The following OLA1 variants were observed in gnomAD, a reference collection of about 807,000 sequenced individuals.
OLA1 encodes the protein Obg like ATPase 1, also known as obg-like ATPase 1.
Under a neutral mutation model 48.4 loss-of-function variants are expected in OLA1, and 14 were observed. The observed-to-expected ratio is 0.29, with a 90% CI of 0.19 to 0.45. The LOEUF (loss-of-function observed/expected upper bound fraction) is 0.45, where lower values mean the gene tolerates loss of function less well. OLA1 is among the 20% of genes least tolerant of loss of function. The pLI, the probability that OLA1 is intolerant of heterozygous loss-of-function variation, is 1.00. For missense variants in OLA1, 325 were observed against 467.1 expected (o/e 0.70, Z 2.80); for synonymous variants, 127 against 150.4 (o/e 0.84, Z 1.14).
intron 4 of OLA1, among the ~76,000 whole-genome samples, chr2:174,187,437 A>G (rs992679653): frequency 3.9e-5 from 6 of 152,200 alleles, no homozygotes; most frequent in African/African-American, 1.4e-4. Flanking sequence ...CATCCTTGCT[A>G]TTTTCAAGGA....
chr2:174,183,671 T>G (rs1687595291), intron 4 of OLA1, among the ~76,000 whole-genome samples: 1 of 152,224 alleles, frequency 6.6e-6, no homozygotes, highest in Non-Finnish European at 1.5e-5. Flanking sequence ...AGGCTACCAC[T>G]GCATGTTGAA....
At chr2:174,168,455 T>C (rs1026459438) in intron 4 of OLA1, among the ~76,000 whole-genome samples, 7 of 152,134 alleles carry the variant, frequency 4.6e-5, no homozygotes, top group African/African-American at 1.7e-4. Flanking sequence ...CGCCATAATG[T>C]AACATTCATA....
chr2:174,184,200 C>T (rs1434743074), intron 4 of OLA1, among the ~76,000 whole-genome samples: 3 of 152,086 alleles, frequency 2.0e-5, no homozygotes, highest in African/African-American at 7.2e-5. Context: ...CCAAGTTTAT[C>T]CTGCTTCCAA....
chr2:174,075,628 G>T, intron 10 of OLA1, 101 bp from the exon 11 acceptor site: 1 of 683,400 alleles, frequency 1.5e-6, no homozygotes, highest in Non-Finnish European at 2.5e-6. Context: ...CTACTTGGGT[G>T]ATATAAAAAA....
At chr2:174,188,454 G>C (rs1687704372) in intron 4 of OLA1, among the ~76,000 whole-genome samples, 1 of 152,074 alleles carries the variant, frequency 6.6e-6, no homozygotes, top group Non-Finnish European at 1.5e-5. Context: ...GAGACTGAAA[G>C]CCTGCTGCTG....
chr2:174,100,196 G>A (rs550048927), intron 7 of OLA1, among the ~76,000 whole-genome samples: 3 of 152,250 alleles, frequency 2.0e-5, no homozygotes, highest in African/African-American at 7.2e-5. Context: ...AACATTCATG[G>A]TAAATTGAGA....
At chr2:174,113,567 C>A (rs1685706120) in intron 7 of OLA1, among the ~76,000 whole-genome samples, 1 of 152,036 alleles carries the variant, frequency 6.6e-6, no homozygotes, top group African/African-American at 2.4e-5. Flanking sequence ...AAAACAGCAG[C>A]AGCAAATGCT....
chr2:174,178,555 T>G (rs1458772811), intron 4 of OLA1, among the ~76,000 whole-genome samples: 4 of 152,016 alleles, frequency 2.6e-5, no homozygotes, highest in Admixed American at 2.0e-4. Context: ...AAACATACAC[T>G]TGATATGATC....
chr2:174,191,560 T>A (rs1446131220), intron 4 of OLA1, among the ~76,000 whole-genome samples: 1 of 152,024 alleles, frequency 6.6e-6, no homozygotes. Flanking sequence ...GCTGAAGTGA[T>A]CTTCCCGCCT....
intron 7 of OLA1, among the ~76,000 whole-genome samples, chr2:174,121,395 G>A (rs1049398025): frequency 2.6e-5 from 4 of 152,132 alleles, no homozygotes; most frequent in East Asian, 1.9e-4. Flanking sequence ...AACAGCAGGC[G>A]GCAGAAACTG....
chr2:174,135,160 CAAAAAAAA>C (rs71405180), intron 5 of OLA1, among the ~76,000 whole-genome samples: 3 of 86,018 alleles, frequency 3.5e-5, no homozygotes, highest in African/African-American at 5.0e-5. Context: ...ACTCCGCCTC[CAAAAAAAA>C]AAAAAAAAAA....
At chr2:174,161,247 T>C (rs913224676) in intron 4 of OLA1, among the ~76,000 whole-genome samples, 1 of 152,146 alleles carries the variant, frequency 6.6e-6, no homozygotes, top group Non-Finnish European at 1.5e-5. Context: ...TGAGACAACA[T>C]AAGTTATAGT....
chr2:174,229,475 A>T (rs1292905117), intron 2 of OLA1, 24 bp from the exon 3 acceptor site: 1 of 1,590,598 alleles, frequency 6.3e-7, no homozygotes. Flanking sequence ...AAGCAATTTC[A>T]ATCAATTCTT....
At chr2:174,190,247 G>A (rs1687745779) in intron 4 of OLA1, among the ~76,000 whole-genome samples, 1 of 152,152 alleles carries the variant, frequency 6.6e-6, no homozygotes, top group African/African-American at 2.4e-5. Flanking sequence ...ATACCTTTAT[G>A]TCTGTTTTAC....
chr2:174,203,465 C>CTG (rs555717823), intron 4 of OLA1, among the ~76,000 whole-genome samples: 1 of 140,554 alleles, frequency 7.1e-6, no homozygotes, highest in African/African-American at 2.6e-5. Flanking sequence ...TAGCTAACAT[C>CTG]TTTTTTTTTT....
chr2:174,104,419 C>T (rs752377890), intron 7 of OLA1, among the ~76,000 whole-genome samples: 35 of 152,102 alleles, frequency 2.3e-4, no homozygotes, highest in African/African-American at 7.7e-4. Flanking sequence ...AATTAAATAT[C>T]AAAATGATCA....
At chr2:174,170,276 T>A (rs948675973) in intron 4 of OLA1, among the ~76,000 whole-genome samples, 5 of 151,488 alleles carry the variant, frequency 3.3e-5, no homozygotes, top group African/African-American at 7.3e-5. Flanking sequence ...AACAACAAAA[T>A]AAAAATAAAG....
intron 2 of OLA1, among the ~76,000 whole-genome samples, chr2:174,235,293 T>C (rs1227157311): frequency 1.3e-5 from 2 of 152,198 alleles, no homozygotes; most frequent in East Asian, 3.9e-4. Context: ...ATTCAGAACA[T>C]ATTAAAAAGA....
rs1260051628 is a variant in OLA1 at position 174,079,066 on chromosome 2, C to A, written c.991G>T (p.Ala331Ser). Residue 331 changes from alanine to serine, a missense_variant, in exon 10 of 11, where the codon GCA becomes TCA. Coordinates refer to ENST00000284719, the MANE Select transcript of OLA1 (RefSeq NM_013341.5). ...IRKGTKAPQA[A>S]GKIHTDFEKG... ...TCAAAATCTGTGTGAATCTTTCCTG[C>A]AGCCTGAGGAGCCTTAGTCCCTTTC... 6.2e-7 allele frequency: 1 copy of A among 1,603,118 alleles called. No homozygotes were observed. The highest frequency in any genetic ancestry group is 8.5e-7 in the Non-Finnish European group (1 of 1,174,808).
Sources: allele counts gnomAD v4.1 joint callset (sites outside exome capture counted in the v4.1 genomes callset), GRCh38; gene constraint gnomAD v4.1.1; transcripts MANE v1.5; gene names NCBI Gene and HGNC (gene_info 2026-07-23, HGNC 2026-07-21).